RHBDD3: variants seen among roughly 807,000 people sequenced by gnomAD.
RHBDD3 encodes rhomboid domain containing 3.
Under a neutral mutation model 32.3 loss-of-function variants are expected in RHBDD3, and 34 were observed. The ratio of observed to expected loss-of-function variants is 1.05; its 90% CI spans 0.80 to 1.40. The LOEUF (loss-of-function observed/expected upper bound fraction) is 1.40. Among genes scored for constraint, RHBDD3 ranks in the 40% most tolerant of loss-of-function variants. The pLI is 0.00. For synonymous variants in RHBDD3, 249 were observed against 239.1 expected (o/e 1.04, Z -0.38); for missense variants, 482 against 492.6 (o/e 0.98, Z 0.20).
At chr22:29,260,942 C>T in intron 4 of RHBDD3, 78 bp from the exon 5 acceptor site, 1 of 1,379,402 alleles carries the variant, frequency 7.2e-7, no homozygotes, top group Non-Finnish European at 9.6e-7. Flanking sequence ...AGGCCAGGCC[C>T]CATGCCAAGT....
chr22:29,264,558 G>A (rs1489859673), intron 3 of RHBDD3: 1 of 982,530 alleles, frequency 1.0e-6, no homozygotes, highest in Non-Finnish European at 1.2e-6. Context: ...CTGAGAGCAT[G>A]AAATGGCCTG....
chr22:29,260,007 C>A lies in RHBDD3; in HGVS notation c.*53G>T. Reference sequence around the variant, plus strand: ...AGTAGGAGCTCGGGCTACCCACATGCAGCCCAGCCCTTAGCACCCAAGGGC... The same window carrying A: ...AGTAGGAGCTCGGGCTACCCACATGAAGCCCAGCCCTTAGCACCCAAGGGC... On this transcript the variant is annotated 3_prime_UTR_variant, in exon 7 of 7. Coordinates refer to ENST00000216085, the MANE Select transcript of RHBDD3 (RefSeq NM_012265.3). The A allele has an allele frequency of 6.6e-7, 1 of 1,513,038 alleles. No homozygotes were observed. Among genetic ancestry groups the A allele is most frequent in the South Asian group, 1.2e-5 (1 of 82,044 alleles). The allele number at this position is 1,513,038 out of a possible 1,614,324, so 93.7% of individuals were successfully genotyped here. A position where few individuals can be genotyped will look rare whatever the true frequency, so the allele number is the denominator to read the frequency against.
intron 4 of RHBDD3, chr22:29,261,267 T>C (rs1257950250): frequency 1.4e-5 from 7 of 487,220 alleles, no homozygotes; most frequent in Non-Finnish European, 2.9e-5. Flanking sequence ...GCCAGCCTGT[T>C]CTCTCCAGTG....
At position 29,263,294 on chromosome 22, in the gene RHBDD3, T is replaced by G. The variant is rs60160467; in HGVS notation, c.532+541A>C. Among the ~76,000 whole-genome samples, 807 of 152,238 alleles carry G rather than the reference T, an allele frequency of 5.3e-3. 6 individuals carry two copies. Among genetic ancestry groups the G allele is most frequent in the African/African-American group, 0.018 (768 of 41,548 alleles). ...TCCTGACCTCGTGATCCGCCCACCT[T>G]GGCCTCCCAAAGTGTTGGGATTACA... On this transcript the variant is annotated intron_variant, in intron 4 of 6. Transcript: ENST00000216085.
At position 29,264,238 on chromosome 22, in the gene RHBDD3, T is replaced by C; in HGVS notation, c.149-20A>G. ...GGTGCACTGGGAGAGAGAAGGGGCTTATGTGCCAGGTTAGTGGCCCCAACA... is the reference window on the plus strand; with the variant it reads ...GGTGCACTGGGAGAGAGAAGGGGCTCATGTGCCAGGTTAGTGGCCCCAACA... On this transcript the variant is annotated intron_variant, in intron 3 of 6. Coordinates refer to ENST00000216085, the MANE Select transcript of RHBDD3 (RefSeq NM_012265.3). 1.3e-6 allele frequency: 2 copies of C among 1,507,968 alleles called. No homozygotes were observed. Among genetic ancestry groups the C allele is most frequent in the Non-Finnish European group, 1.8e-6 (2 of 1,129,080 alleles). 93.4% of individuals were successfully genotyped at this position (1,507,968 alleles called of 1,614,324 possible).
intron 4 of RHBDD3, among the ~76,000 whole-genome samples, chr22:29,262,440 C>CT (rs1480971432): frequency 6.6e-6 from 1 of 152,092 alleles, no homozygotes; most frequent in Non-Finnish European, 1.5e-5. Context: ...CACCTGGCCA[C>CT]TTTTGTAGTT....
Position 29,265,645 on chromosome 22 carries a change from C to G in RHBDD3, c.-19G>C. The G allele has an allele frequency of 6.4e-7, 1 of 1,571,342 alleles. No homozygotes were observed. Among genetic ancestry groups the G allele is most frequent in the Non-Finnish European group, 8.6e-7 (1 of 1,165,068 alleles). On this transcript the variant is annotated 5_prime_UTR_variant, in exon 3 of 7. Coordinates refer to ENST00000216085, the MANE Select transcript of RHBDD3 (RefSeq NM_012265.3). The stretch of plus-strand genomic sequence containing the variant: ...CATGCATCGCTTGGTTGAGGACGGT[C>G]AAGGGTGGTCCTGGGGCTGTGTGCT...
At chr22:29,266,802 G>A (rs535548429) in intron 2 of RHBDD3, among the ~76,000 whole-genome samples, 3 of 152,340 alleles carry the variant, frequency 2.0e-5, no homozygotes, top group African/African-American at 7.2e-5. Flanking sequence ...CCTGCCAAGC[G>A]CCTTCTCCAC....
In RHBDD3 at chr22:29,267,896, C is replaced by G. The variant is rs909229056; in HGVS notation, c.-343G>C. The G allele has an allele frequency of 8.5e-6, 2 of 234,826 alleles. No homozygotes were observed. Among genetic ancestry groups the G allele is most frequent in the Non-Finnish European group, 1.7e-5 (2 of 117,244 alleles). 14.5% of individuals were successfully genotyped at this position (234,826 alleles called of 1,614,324 possible). A position where few individuals can be genotyped will look rare whatever the true frequency, so the allele number is the denominator to read the frequency against. ...CCTGCCGACCGGCTGGCGCGCCACCCATTCCCCGCGGCCCGCGGATTAGTC... is the reference window on the plus strand; with the variant it reads ...CCTGCCGACCGGCTGGCGCGCCACCGATTCCCCGCGGCCCGCGGATTAGTC... On this transcript the variant is annotated 5_prime_UTR_variant, in exon 1 of 7. The change abolishes an upstream ATG in the 5' untranslated region. Coordinates refer to ENST00000216085, the MANE Select transcript of RHBDD3 (RefSeq NM_012265.3).
chr22:29,261,991 T>C (rs1202163790), intron 4 of RHBDD3: 6 of 152,190 alleles, frequency 3.9e-5, no homozygotes, highest in Non-Finnish European at 7.3e-5. Flanking sequence ...CTTTTCCTCA[T>C]TGAATCGACT....
intron 4 of RHBDD3, 124 bp from the exon 5 acceptor site, chr22:29,260,988 G>T: frequency 1.1e-6 from 1 of 952,024 alleles, no homozygotes; most frequent in Non-Finnish European, 1.5e-6. Context: ...TCCTCACTGT[G>T]GACCAGCATG....
In RHBDD3 at chr22:29,263,935, T is replaced by C. The variant is rs2058148082; in HGVS notation, c.432A>G (p.Pro144=). ...HRPRRPRGAL[P]PWLSPWLLLA... Reference sequence around the variant, plus strand: ...GCAGCAGCCACGGCGACAGCCACGGTGGCAGTGCCCCACGGGGCCGTCTAG... The same window carrying C: ...GCAGCAGCCACGGCGACAGCCACGGCGGCAGTGCCCCACGGGGCCGTCTAG... Residue 144 remains proline (P), a synonymous_variant, in exon 4 of 7, where the codon CCA becomes CCG. Coordinates refer to ENST00000216085, the MANE Select transcript of RHBDD3 (RefSeq NM_012265.3). 2 of 1,549,880 alleles carry C rather than the reference T, an allele frequency of 1.3e-6. No homozygotes were observed. The highest frequency in any genetic ancestry group is 1.4e-5 in the African/African-American group (1 of 73,106).
At position 29,260,318 on chromosome 22, in the gene RHBDD3, C is replaced by T. The variant is rs1246101012; in HGVS notation, c.983+8G>A. ...CAGGGGACCCCACCTCTGCCCACCC[C>T]ACCTTACCGCAGAGAGGAGACAGAG... On this transcript the variant is annotated splice_region_variant and intron_variant, in intron 6 of 6. Transcript: ENST00000216085. 2.5e-6 allele frequency: 4 copies of T among 1,606,284 alleles called. No individual in the cohort carries two copies. The highest frequency in any genetic ancestry group is 3.4e-6 in the Non-Finnish European group (4 of 1,175,846).
Position 29,265,524 on chromosome 22 carries a change from G to A in RHBDD3, c.103C>T (p.Pro35Ser), listed in dbSNP as rs1464009801. Reference sequence around the variant, plus strand: ...AGCTCCGGGGCCAGGACCAGGCCGGGGCCGGCCCCCACCAGCCACAGGGTG... The same window carrying A: ...AGCTCCGGGGCCAGGACCAGGCCGGAGCCGGCCCCCACCAGCCACAGGGTG... ...MSTLWLVGAG[P>S]GLVLAPELLL... Residue 35 changes from proline to serine, a missense_variant, in exon 3 of 7, where the codon CCC becomes TCC. Transcript: ENST00000216085. The A allele has an allele frequency of 1.3e-6, 2 of 1,579,062 alleles. No homozygotes were observed. The highest frequency in any genetic ancestry group is 3.8e-5 in the Admixed American group (2 of 53,054).
Position 29,263,900 on chromosome 22 carries a change from G to A in RHBDD3, c.467C>T (p.Thr156Ile), listed in dbSNP as rs2058147468. Reference sequence around the variant, plus strand: ...GGGTGGCTCAGAGCTGAGCAGTGGGGTCAGGGCAAGCAGCAGCCACGGCGA... The same window carrying A: ...GGGTGGCTCAGAGCTGAGCAGTGGGATCAGGGCAAGCAGCAGCCACGGCGA... ...WLSPWLLLAL[T>I]PLLSSEPPFL... Residue 156 changes from threonine (T) to isoleucine (I), a missense_variant, in exon 4 of 7, where the codon ACC (threonine) becomes ATC (isoleucine). Transcript: ENST00000216085. The A allele has an allele frequency of 6.5e-7, 1 of 1,549,158 alleles. No individual in the cohort carries two copies. The highest frequency in any genetic ancestry group is 8.7e-7 in the Non-Finnish European group (1 of 1,146,876).
intron 2 of RHBDD3, among the ~76,000 whole-genome samples, 192 bp from the exon 3 acceptor site, chr22:29,265,860 CCT>C (rs1243780492): frequency 6.6e-6 from 1 of 152,120 alleles, no homozygotes; most frequent in Admixed American, 6.5e-5. Context: ...ATTCCACTCA[CCT>C]CTGTTTAAGG....
chr22:29,260,491 G>T lies in RHBDD3; in HGVS notation c.818C>A (p.Ala273Glu). 3 of 1,603,624 alleles carry T rather than the reference G, an allele frequency of 1.9e-6. No homozygotes were observed. The highest frequency in any genetic ancestry group is 2.5e-6 in the Non-Finnish European group (3 of 1,176,878). ...GCTGGCCCCAGCCCAGTCCAGGCCT[G>T]CCTCTGAGGAGCCCTCCCAGGTGGG... ...VQPTWEGSSEAGLDWAGASFS... is the reference protein window; with the variant it reads ...VQPTWEGSSEEGLDWAGASFS... Residue 273 changes from alanine to glutamate, a missense_variant, in exon 6 of 7, where the codon GCA (alanine) becomes GAA (glutamate). Coordinates refer to ENST00000216085, the MANE Select transcript of RHBDD3 (RefSeq NM_012265.3).
intron 3 of RHBDD3, chr22:29,264,472 A>T: frequency 1.6e-6 from 2 of 1,289,378 alleles, no homozygotes; most frequent in Non-Finnish European, 9.8e-7. Flanking sequence ...TTCACTGACA[A>T]CCCGCTACAG....
rs2058167700 is a variant in RHBDD3 at position 29,265,607 on chromosome 22, TG to T, written c.19del (p.His7MetfsTer15). 1 of 1,589,542 alleles carries T rather than the reference TG, an allele frequency of 6.3e-7. No individual in the cohort carries two copies. On this transcript the variant is annotated frameshift_variant, in exon 3 of 7. Coordinates refer to ENST00000216085, the MANE Select transcript of RHBDD3 (RefSeq NM_012265.3). LOFTEE classifies it high-confidence loss of function. ...AGGCAGTGCTGGGGACAGTTGGCCA[TG>T]GGGGCCCCTGGCATGCATCGCTTGG... MHARGP[H>X]GQLSPALPLA... is the part of the protein sequence containing the mutation.
Sources: gnomAD v4.1 joint callset for allele counts (sites outside exome capture counted in the v4.1 genomes callset) on GRCh38, gnomAD v4.1.1 for gene constraint, MANE v1.5 for transcripts, NCBI Gene and HGNC (gene_info 2026-07-23, HGNC 2026-07-21) for gene names.